Variants in MYO18A observed in about 807,000 individuals in gnomAD.
MYO18A encodes myosin XVIIIA.
MYO18A carries 78 observed loss-of-function variants against 235.8 expected under a neutral mutation model. That is an observed-to-expected ratio of 0.33 (90% confidence interval 0.28 to 0.40). The LOEUF is 0.40. Among genes scored for constraint, MYO18A ranks in the 10% least tolerant of loss-of-function variants. The probability of loss-of-function intolerance (pLI) is 1.00; values close to 1 mark genes in which losing one functional copy is unlikely to be tolerated. For synonymous variants in MYO18A, 977 were observed against 1,077.8 expected (o/e 0.91, Z 1.83); for missense variants, 2,215 against 2,699.3 (o/e 0.82, Z 3.98).
At chr17:29,100,268 G>A (rs747305030) in intron 21 of MYO18A, among the ~76,000 whole-genome samples, 4 of 152,232 alleles carry the variant, frequency 2.6e-5, no homozygotes, top group Non-Finnish European at 5.9e-5. Context: ...AAGCAGCGCT[G>A]GGGAGCGCAG....
At chr17:29,086,261 TCA>T (rs2066251097) in intron 39 of MYO18A, among the ~76,000 whole-genome samples, 175 bp downstream of exon 39, 1 of 152,120 alleles carries the variant, frequency 6.6e-6, no homozygotes, top group Non-Finnish European at 1.5e-5. Flanking sequence ...TGCACCTGTC[TCA>T]CCGTCTGCCC....
intron 2 of MYO18A, among the ~76,000 whole-genome samples, chr17:29,159,235 A>G (rs1239380799): frequency 1.3e-5 from 2 of 152,098 alleles, no homozygotes; most frequent in African/African-American, 4.8e-5. Flanking sequence ...TCGCCCTGAC[A>G]GTCCCCTGCA....
At chr17:29,099,456 C>T (rs368064084) in intron 22 of MYO18A, among the ~76,000 whole-genome samples, 178 bp downstream of exon 22, 147 of 152,250 alleles carry the variant, frequency 9.7e-4, no homozygotes, top group Admixed American at 1.6e-3. Context: ...AACCAGGCCC[C>T]GTCGCTGGGC....
chr17:29,167,540 T>C (rs1052266339), intron 1 of MYO18A, among the ~76,000 whole-genome samples: 2 of 151,934 alleles, frequency 1.3e-5, no homozygotes, highest in Non-Finnish European at 2.9e-5. Context: ...AGTGAGACCC[T>C]ATCTCTAAAA....
At chr17:29,114,815 G>A in intron 14 of MYO18A, 92 bp downstream of exon 14, 2 of 1,338,996 alleles carry the variant, frequency 1.5e-6, no homozygotes, top group Admixed American at 4.7e-5. Flanking sequence ...GAAATGGAGA[G>A]TAAGGTGATG....
rs747781096 is a variant in MYO18A at position 29,165,968 on chromosome 17, C to G, written c.973G>C (p.Glu325Gln). 1 of 1,613,132 alleles carries G rather than the reference C, an allele frequency of 6.2e-7. No individual in the cohort carries two copies. The highest frequency in any genetic ancestry group is 8.5e-7 in the Non-Finnish European group (1 of 1,179,740). The change falls in exon 2 of 42, where the codon GAG becomes CAG. Residue 325 changes from glutamate to glutamine, a missense_variant. Transcript: ENST00000527372. ...ELSRSWLRSGEGPRREPSDAK... is the reference protein window; with the variant it reads ...ELSRSWLRSGQGPRREPSDAK... Reference sequence around the variant, plus strand: ...TCGGATGGCTCCCTGCGAGGTCCCTCGCCGCTCCGCAGCCAGCTCCTGCTG... The same window carrying G: ...TCGGATGGCTCCCTGCGAGGTCCCTGGCCGCTCCGCAGCCAGCTCCTGCTG...
At chr17:29,169,815 A>G (rs2068362074) in intron 1 of MYO18A, among the ~76,000 whole-genome samples, 1 of 152,218 alleles carries the variant, frequency 6.6e-6, no homozygotes, top group Middle Eastern at 3.4e-3. Flanking sequence ...TTCTCGGTCT[A>G]TAATGCTTAC....
intron 39 of MYO18A, 40 bp downstream of exon 39, chr17:29,086,398 C>G: frequency 1.3e-6 from 2 of 1,560,330 alleles, no homozygotes; most frequent in Non-Finnish European, 8.7e-7. Context: ...TCAAGAGGGC[C>G]TCCGTGCTAG....
chr17:29,075,385 G>A (rs1330664927), intron 41 of MYO18A: 1 of 169,098 alleles, frequency 5.9e-6, no homozygotes, highest in Non-Finnish European at 1.4e-5. Context: ...TCCTTCTGAG[G>A]AGGAGGCGCT....
In MYO18A at chr17:29,141,648, T is replaced by C. The variant is rs115949879; in HGVS notation, c.1000-19395A>G. Among the ~76,000 whole-genome samples the C allele has an allele frequency of 2.2e-3, 331 of 152,326 alleles. 1 individual carries two copies. The highest frequency in any genetic ancestry group is 7.3e-3 in the African/African-American group (303 of 41,574). On this transcript the variant is annotated intron_variant, in intron 2 of 41. Transcript: ENST00000527372. Reference sequence around the variant, plus strand: ...CCTGCCTCCTACCTGCCATGCGCTGTCCAAGTCTCACTGTCATATAGTCAC... The same window carrying C: ...CCTGCCTCCTACCTGCCATGCGCTGCCCAAGTCTCACTGTCATATAGTCAC...
At chr17:29,084,440 G>T (rs968241477) in intron 40 of MYO18A, among the ~76,000 whole-genome samples, 1 of 152,160 alleles carries the variant, frequency 6.6e-6, no homozygotes, top group East Asian at 1.9e-4. Flanking sequence ...TCTAGAAGAT[G>T]TTCTTTTCCT....
At chr17:29,113,312 G>C (rs476768) in intron 15 of MYO18A, among the ~76,000 whole-genome samples, 2 of 152,186 alleles carry the variant, frequency 1.3e-5, no homozygotes, top group Admixed American at 6.5e-5. Context: ...CGGCAGCCTC[G>C]CAAAAATGCC....
At chr17:29,123,521 T>C (rs2067249812) in intron 2 of MYO18A, among the ~76,000 whole-genome samples, 1 of 152,214 alleles carries the variant, frequency 6.6e-6, no homozygotes, top group Admixed American at 6.5e-5. Context: ...AAAGGAGACG[T>C]GGGCTCTCCT....
chr17:29,159,341 A>T (rs539869176), intron 2 of MYO18A, among the ~76,000 whole-genome samples: 2 of 151,980 alleles, frequency 1.3e-5, no homozygotes, highest in Non-Finnish European at 2.9e-5. Flanking sequence ...TTCATTACCT[A>T]AAGGACTTAG....
At chr17:29,122,635 G>C (rs1001179606) in intron 2 of MYO18A, among the ~76,000 whole-genome samples, 3 of 152,222 alleles carry the variant, frequency 2.0e-5, no homozygotes, top group Admixed American at 6.5e-5. Flanking sequence ...TCAGTGTCCT[G>C]AGTCCAAGGC....
At position 29,111,193 on chromosome 17, in the gene MYO18A, G is replaced by T. The variant is rs1275296500; in HGVS notation, c.2900+231C>A. ...CGCTCCTGCCTTCTTTGACTTGAGG[G>T]TGTTCTTCACATTTAAACCATAGGC... On this transcript the variant is annotated intron_variant, in intron 17 of 41. Transcript: ENST00000527372. The surrounding 1 kb of genome is among the most constrained non-coding windows in gnomAD (Gnocchi z 5.1). Among the ~76,000 whole-genome samples, 2 of 152,148 alleles carry T rather than the reference G, an allele frequency of 1.3e-5. No individual in the cohort carries two copies. The highest frequency in any genetic ancestry group is 2.4e-5 in the African/African-American group (1 of 41,438).
Position 29,126,357 on chromosome 17 carries a change from A to T in MYO18A, c.1000-4104T>A, listed in dbSNP as rs1382306542. Among the ~76,000 whole-genome samples the T allele has an allele frequency of 6.6e-6, 1 of 152,024 alleles. No homozygotes were observed. Among genetic ancestry groups the T allele is most frequent in the Non-Finnish European group, 1.5e-5 (1 of 67,970 alleles). On this transcript the variant is annotated intron_variant, in intron 2 of 41. Transcript: ENST00000527372. The surrounding 1 kb of genome is among the most constrained non-coding windows in gnomAD (Gnocchi z 4.1). Reference sequence around the variant, plus strand: ...GGGAGGGGAGGGCAGCCGCCCGGGAACAGGACCACGACACTCCCCACCTGC... The same window carrying T: ...GGGAGGGGAGGGCAGCCGCCCGGGATCAGGACCACGACACTCCCCACCTGC...
intron 14 of MYO18A, 156 bp from the exon 15 acceptor site, chr17:29,114,253 A>G: frequency 1.6e-6 from 1 of 609,838 alleles, no homozygotes; most frequent in Non-Finnish European, 2.9e-6. Flanking sequence ...ACAGCTCCCA[A>G]GGAAACACAC....
chr17:29,139,109 G>A (rs529264946), intron 2 of MYO18A, among the ~76,000 whole-genome samples: 52 of 152,262 alleles, frequency 3.4e-4, no homozygotes, highest in African/African-American at 1.2e-3. Flanking sequence ...GCCCCAGGGC[G>A]GAACAGAAAG....
Sources: allele counts gnomAD v4.1 joint callset (sites outside exome capture counted in the v4.1 genomes callset), GRCh38; gene constraint gnomAD v4.1.1; non-coding constraint Gnocchi (gnomAD v3.1); transcripts MANE v1.5; gene names NCBI Gene and HGNC (gene_info 2026-07-23, HGNC 2026-07-21).